Variants in SPATA16 observed in about 807,000 individuals in gnomAD.
SPATA16 encodes spermatogenesis associated 16.
A neutral mutation model predicts 63.3 loss-of-function variants in SPATA16; 36 were observed. The ratio of observed to expected loss-of-function variants is 0.57; its 90% CI spans 0.44 to 0.75. The LOEUF (loss-of-function observed/expected upper bound fraction) is 0.75. Ranked by LOEUF, SPATA16 falls within the 30% of genes least tolerant of loss-of-function variation. The pLI is 0.00. For missense variants in SPATA16, 646 were observed against 679.3 expected (o/e 0.95, Z 0.54); for synonymous variants, 203 against 216.7 (o/e 0.94, Z 0.56).
chr3:173,015,020 C>A (rs1426201157), intron 4 of SPATA16, among the ~76,000 whole-genome samples: 2 of 151,782 alleles, frequency 1.3e-5, no homozygotes, highest in African/African-American at 4.8e-5. Flanking sequence ...CTTATCTAGC[C>A]CATGCATGTA....
chr3:172,933,239 T>C (rs1259086163), intron 6 of SPATA16, among the ~76,000 whole-genome samples: 2 of 152,208 alleles, frequency 1.3e-5, no homozygotes, highest in Non-Finnish European at 2.9e-5. Flanking sequence ...GTATGAGAGT[T>C]GGAATGATCA....
At chr3:173,042,869 T>C (rs1215083870) in intron 3 of SPATA16, among the ~76,000 whole-genome samples, 2 of 152,188 alleles carry the variant, frequency 1.3e-5, no homozygotes, top group East Asian at 1.9e-4. Context: ...AATTACATTA[T>C]GGTTAGAGAA....
chr3:173,057,568 A>G (rs765313101), intron 2 of SPATA16, among the ~76,000 whole-genome samples: 75 of 152,162 alleles, frequency 4.9e-4, no homozygotes, highest in Non-Finnish European at 9.6e-4. Context: ...TATTTACTTT[A>G]TAGTTCATTT....
intron 2 of SPATA16, among the ~76,000 whole-genome samples, chr3:173,077,202 A>G (rs1336620893): frequency 6.6e-6 from 1 of 152,132 alleles, no homozygotes. Flanking sequence ...GCTTTTCTGT[A>G]TCTTTCTACA....
intron 4 of SPATA16, among the ~76,000 whole-genome samples, chr3:173,016,929 G>T (rs1177907543): frequency 6.6e-6 from 1 of 151,644 alleles, no homozygotes; most frequent in Non-Finnish European, 1.5e-5. Flanking sequence ...GAGGAGAATT[G>T]CTTGAACCTG....
At chr3:173,045,679 A>G (rs1216609887) in intron 3 of SPATA16, among the ~76,000 whole-genome samples, 1 of 152,058 alleles carries the variant, frequency 6.6e-6, no homozygotes, top group Non-Finnish European at 1.5e-5. Context: ...CTGGCTCTGC[A>G]ACATAACTTA....
intron 4 of SPATA16, among the ~76,000 whole-genome samples, chr3:172,984,211 C>G (rs1440581805): frequency 6.6e-6 from 1 of 152,118 alleles, no homozygotes; most frequent in Non-Finnish European, 1.5e-5. Context: ...GGATACCATC[C>G]TCAATGGCAC....
chr3:173,134,274 C>T (rs1215164356), intron 1 of SPATA16, among the ~76,000 whole-genome samples: 1 of 152,084 alleles, frequency 6.6e-6, no homozygotes, highest in Admixed American at 6.5e-5. Context: ...CTGATTTTCA[C>T]CTTGATGCAG....
intron 10 of SPATA16, among the ~76,000 whole-genome samples, chr3:172,907,694 G>C (rs576684206): frequency 1.3e-5 from 2 of 152,086 alleles, no homozygotes; most frequent in African/African-American, 4.8e-5. Flanking sequence ...TTCTGCCTCA[G>C]CCTCTTGAGT....
At chr3:172,917,060 A>T (rs1732509736) in intron 8 of SPATA16, among the ~76,000 whole-genome samples, 1 of 152,060 alleles carries the variant, frequency 6.6e-6, no homozygotes, top group Non-Finnish European at 1.5e-5. Flanking sequence ...GTCTACTGGG[A>T]CCATTTCAAC....
intron 5 of SPATA16, among the ~76,000 whole-genome samples, chr3:172,964,421 C>T (rs1354699486): frequency 6.6e-6 from 1 of 152,192 alleles, no homozygotes; most frequent in Admixed American, 6.5e-5. Context: ...GTGTGGGTTT[C>T]AGCAGCCTCC....
intron 10 of SPATA16, among the ~76,000 whole-genome samples, chr3:172,902,060 C>G: frequency 6.6e-6 from 1 of 152,052 alleles, no homozygotes; most frequent in Non-Finnish European, 1.5e-5. Flanking sequence ...TTTTGAGAGA[C>G]GGAGTCTTGC....
intron 3 of SPATA16, among the ~76,000 whole-genome samples, chr3:173,036,438 T>C (rs969751937): frequency 7.2e-5 from 11 of 152,068 alleles, no homozygotes; most frequent in Admixed American, 1.3e-4. Context: ...TAATGAAATG[T>C]GTCAACATTC....
intron 6 of SPATA16, among the ~76,000 whole-genome samples, chr3:172,947,707 A>G (rs993890064): frequency 3.3e-5 from 5 of 152,096 alleles, no homozygotes; most frequent in African/African-American, 9.7e-5. Flanking sequence ...ACGTTCTCAC[A>G]TATAAGTGGG....
intron 6 of SPATA16, among the ~76,000 whole-genome samples, chr3:172,945,733 G>A (rs1733268379): frequency 6.6e-6 from 1 of 152,210 alleles, no homozygotes; most frequent in Admixed American, 6.5e-5. Context: ...CCAGCGGTCA[G>A]AACCTGAATT....
intron 2 of SPATA16, among the ~76,000 whole-genome samples, chr3:173,085,056 C>T (rs575419802): frequency 2.0e-5 from 3 of 152,058 alleles, no homozygotes; most frequent in South Asian, 4.2e-4. Flanking sequence ...CTGTGAAGAA[C>T]GTCAATGGTA....
intron 4 of SPATA16, among the ~76,000 whole-genome samples, chr3:172,994,058 T>C (rs1365175620): frequency 1.3e-5 from 2 of 152,150 alleles, no homozygotes; most frequent in Non-Finnish European, 1.5e-5. Flanking sequence ...CCAATACTTT[T>C]GTTGACTTTT....
chr3:173,067,752 G>A (rs539322363), intron 2 of SPATA16, among the ~76,000 whole-genome samples: 1 of 152,088 alleles, frequency 6.6e-6, no homozygotes, highest in African/African-American at 2.4e-5. Flanking sequence ...TGAATGTCCA[G>A]GTACAAGAAA....
chr3:172,945,196 C>G lies in SPATA16; in HGVS notation c.1081+11481G>C, dbSNP rs1050394110. 3.9e-5 allele frequency among the ~76,000 whole-genome samples: 6 copies of G among 152,134 alleles called. No homozygotes were observed. The East Asian group carries it at 1.2e-3, about 29-fold the overall frequency. On this transcript the variant is annotated intron_variant, in intron 6 of 10. Transcript: ENST00000351008. ...TTAGCATATTTCAAATATTACATAACTAAAAAAATAAAAGCTTCTGATTCT... is the reference window on the plus strand; with the variant it reads ...TTAGCATATTTCAAATATTACATAAGTAAAAAAATAAAAGCTTCTGATTCT...
Sources: gnomAD v4.1 joint callset for allele counts (sites outside exome capture counted in the v4.1 genomes callset) on GRCh38, gnomAD v4.1.1 for gene constraint, MANE v1.5 for transcripts, NCBI Gene and HGNC (gene_info 2026-07-23, HGNC 2026-07-21) for gene names.